Variants in CCDC85A observed in about 807,000 individuals in gnomAD.
CCDC85A encodes the protein coiled-coil domain-containing protein 85A.
A neutral mutation model predicts 50.2 loss-of-function variants in CCDC85A; 38 were observed. The ratio of observed to expected loss-of-function variants is 0.76; its 90% CI spans 0.58 to 0.99. CCDC85A has a LOEUF of 0.99. Ranked by LOEUF, CCDC85A falls within the 50% of genes least tolerant of loss-of-function variation. The pLI is 0.00. For missense variants in CCDC85A, 820 were observed against 742.0 expected, an observed-to-expected ratio of 1.11 and a Z score of -1.22; for synonymous variants, 366 against 301.4, an observed-to-expected ratio of 1.21 and a Z score of -2.22.
intron 2 of CCDC85A, among the ~76,000 whole-genome samples, chr2:56,222,854 C>T (rs1485739216): frequency 2.6e-5 from 4 of 152,086 alleles, no homozygotes; most frequent in Non-Finnish European, 5.9e-5. Context: ...TATCTCTACT[C>T]AAAATCATTT....
intron 2 of CCDC85A, among the ~76,000 whole-genome samples, chr2:56,298,116 T>C (rs554352337): frequency 3.7e-4 from 57 of 152,308 alleles, no homozygotes; most frequent in African/African-American, 1.4e-3. Flanking sequence ...GAAAAATGAT[T>C]CCATTTTAGT....
intron 3 of CCDC85A, among the ~76,000 whole-genome samples, chr2:56,362,690 C>G (rs759232838): frequency 6.6e-6 from 1 of 152,078 alleles, no homozygotes; most frequent in Non-Finnish European, 1.5e-5. Flanking sequence ...GTGATCTCAG[C>G]TCATTGCAAC....
intron 3 of CCDC85A, among the ~76,000 whole-genome samples, chr2:56,344,989 T>G (rs1357521241): frequency 1.3e-5 from 2 of 151,940 alleles, no homozygotes; most frequent in East Asian, 3.9e-4. Flanking sequence ...CTTAAAAACC[T>G]GTGAAAGTGA....
At chr2:56,195,587 G>A (rs1482283212) in intron 2 of CCDC85A, among the ~76,000 whole-genome samples, 1 of 152,136 alleles carries the variant, frequency 6.6e-6, no homozygotes, top group Non-Finnish European at 1.5e-5. Flanking sequence ...TATAAACATG[G>A]GCATTGGTAA....
intron 2 of CCDC85A, among the ~76,000 whole-genome samples, chr2:56,280,192 T>G (rs10206776): frequency 0.026 from 3,962 of 152,326 alleles, 152 homozygotes; most frequent in African/African-American, 0.087. Context: ...CATGCACTTG[T>G]GCTGGCCTAG....
At chr2:56,338,803 G>A (rs955341142) in intron 2 of CCDC85A, among the ~76,000 whole-genome samples, 2 of 151,662 alleles carry the variant, frequency 1.3e-5, no homozygotes, top group African/African-American at 4.8e-5. Context: ...TTCCTATAGG[G>A]GCTTGGGGAC....
At chr2:56,224,416 A>G (rs1668457877) in intron 2 of CCDC85A, among the ~76,000 whole-genome samples, 1 of 152,202 alleles carries the variant, frequency 6.6e-6, no homozygotes, top group Non-Finnish European at 1.5e-5. Context: ...TATTGCTATT[A>G]CACATATGAA....
intron 3 of CCDC85A, among the ~76,000 whole-genome samples, chr2:56,352,140 A>G (rs1558654621): frequency 6.6e-6 from 1 of 152,182 alleles, no homozygotes; most frequent in Non-Finnish European, 1.5e-5. Context: ...AGGAAAGTGA[A>G]CATGCTTATA....
chr2:56,227,194 T>C (rs1054255644), intron 2 of CCDC85A, among the ~76,000 whole-genome samples: 1 of 152,134 alleles, frequency 6.6e-6, no homozygotes, highest in Admixed American at 6.5e-5. Flanking sequence ...GTTCTATTTC[T>C]TTACATTCTT....
intron 2 of CCDC85A, among the ~76,000 whole-genome samples, chr2:56,306,671 A>G (rs1034132017): frequency 3.9e-5 from 6 of 152,146 alleles, no homozygotes; most frequent in African/African-American, 7.2e-5. Context: ...GACCCATACT[A>G]TTTGCAACTG....
intron 2 of CCDC85A, among the ~76,000 whole-genome samples, chr2:56,340,670 G>A (rs752439259): frequency 1.3e-5 from 2 of 151,988 alleles, no homozygotes; most frequent in Non-Finnish European, 2.9e-5. Context: ...GAGGTCGGGA[G>A]TTCGAGACCA....
At chr2:56,359,296 G>A (rs1179724802) in intron 3 of CCDC85A, among the ~76,000 whole-genome samples, 2 of 152,106 alleles carry the variant, frequency 1.3e-5, no homozygotes, top group African/African-American at 4.8e-5. Flanking sequence ...TTAGCTTTAG[G>A]CTGAGAACTT....
chr2:56,217,483 G>T (rs1449590478), intron 2 of CCDC85A, among the ~76,000 whole-genome samples: 1 of 151,782 alleles, frequency 6.6e-6, no homozygotes, highest in African/African-American at 2.4e-5. Flanking sequence ...GAATTCCTTT[G>T]TATAGCCATT....
At chr2:56,323,288 T>G (rs755948537) in intron 2 of CCDC85A, among the ~76,000 whole-genome samples, 8 of 151,900 alleles carry the variant, frequency 5.3e-5, no homozygotes, top group Non-Finnish European at 8.8e-5. Context: ...GAACTTAAAG[T>G]AAAATAAAAA....
Position 56,192,613 on chromosome 2 carries a change from AC to A in CCDC85A, c.414del (p.His138GlnfsTer11). The A allele has an allele frequency of 6.2e-7, 1 of 1,613,928 alleles. No homozygotes were observed. Among genetic ancestry groups the A allele is most frequent in the Non-Finnish European group, 8.5e-7 (1 of 1,179,858 alleles). The stretch of plus-strand genomic sequence containing the variant: ...GGTCGCTACACTGCCGGGGTGATGC[AC>A]AAGGAAGTGGCCTTATACCTGCAGA... Reference protein sequence around the residue: ...RLGRYTAGVMHKEVALYLQKL... With the variant: ...RLGRYTAGVMXKEVALYLQKL... On this transcript the variant is annotated frameshift_variant, in exon 2 of 6. Transcript: ENST00000407595. LOFTEE classifies it high-confidence loss of function. This position sits in a 1 kb window ranked among gnomAD's most constrained non-coding sequence, Gnocchi z 4.7.
intron 2 of CCDC85A, among the ~76,000 whole-genome samples, chr2:56,311,437 C>T (rs893668848): frequency 6.0e-5 from 9 of 151,236 alleles, no homozygotes; most frequent in African/African-American, 1.9e-4. Context: ...AAAGCTTAAG[C>T]TAATGATCTG....
chr2:56,286,882 G>A (rs925545019), intron 2 of CCDC85A, among the ~76,000 whole-genome samples: 1 of 152,174 alleles, frequency 6.6e-6, no homozygotes, highest in Non-Finnish European at 1.5e-5. Flanking sequence ...TAAATTACTG[G>A]TGGGTTTTCT....
intron 2 of CCDC85A, among the ~76,000 whole-genome samples, chr2:56,212,794 AC>A (rs899156406): frequency 6.6e-6 from 1 of 151,902 alleles, no homozygotes; most frequent in African/African-American, 2.4e-5. Flanking sequence ...GGAGCCACGC[AC>A]ACCCTGTACA....
intron 2 of CCDC85A, among the ~76,000 whole-genome samples, chr2:56,295,930 C>T (rs1443675020): frequency 6.6e-6 from 1 of 152,180 alleles, no homozygotes; most frequent in African/African-American, 2.4e-5. Flanking sequence ...GCAAATCTAG[C>T]TGACAGGTTT....
Sources: allele counts gnomAD v4.1 joint callset (sites outside exome capture counted in the v4.1 genomes callset), GRCh38; gene constraint gnomAD v4.1.1; non-coding constraint Gnocchi (gnomAD v3.1); transcripts MANE v1.5; gene names NCBI Gene and HGNC (gene_info 2026-07-23, HGNC 2026-07-21).